Variants in SLC39A12 observed in about 807,000 individuals in gnomAD.
SLC39A12 encodes the protein solute carrier family 39 member 12.
SLC39A12 carries 63 observed loss-of-function variants against 71.1 expected under a neutral mutation model. That is an observed-to-expected ratio of 0.89 (90% CI 0.72 to 1.09). SLC39A12 has a LOEUF of 1.09. SLC39A12 is among the 50% of genes least tolerant of loss of function. SLC39A12 has a pLI of 0.00. For synonymous variants in SLC39A12, 351 were observed against 301.3 expected (o/e 1.16, Z -1.71); for missense variants, 892 against 812.6 (o/e 1.10, Z -1.19).
At chr10:17,964,938 G>A (rs1409082501) in intron 3 of SLC39A12, among the ~76,000 whole-genome samples, 1 of 152,208 alleles carries the variant, frequency 6.6e-6, no homozygotes, top group African/African-American at 2.4e-5. Flanking sequence ...TGGGTGTGGT[G>A]GCTTATGCCT....
At chr10:18,019,002 G>A (rs1836458530) in intron 12 of SLC39A12, among the ~76,000 whole-genome samples, 1 of 152,088 alleles carries the variant, frequency 6.6e-6, no homozygotes, top group South Asian at 2.1e-4. Context: ...AAGTTCATTG[G>A]TGAGCCCATC....
At chr10:18,030,910 T>G (rs1437590014) in intron 12 of SLC39A12, among the ~76,000 whole-genome samples, 4 of 150,594 alleles carry the variant, frequency 2.7e-5, no homozygotes, top group Admixed American at 6.6e-5. Flanking sequence ...TGGTTTTTTG[T>G]TCTTGCGATA....
intron 12 of SLC39A12, among the ~76,000 whole-genome samples, chr10:18,023,193 G>A (rs1017079761): frequency 6.6e-6 from 1 of 152,174 alleles, no homozygotes; most frequent in South Asian, 2.1e-4. Flanking sequence ...GGCAATGACA[G>A]AGGCCCTTTC....
At chr10:17,971,724 CT>C (rs1299804676) in intron 4 of SLC39A12, among the ~76,000 whole-genome samples, 2 of 151,706 alleles carry the variant, frequency 1.3e-5, no homozygotes, top group East Asian at 1.9e-4. Flanking sequence ...GATCTTTTTT[CT>C]TTTTTTCTTA....
rs200334409 is a variant in SLC39A12 at position 17,981,292 on chromosome 10, G to T, written c.925-20G>T. The T allele has an allele frequency of 4.4e-5, 70 of 1,583,080 alleles. No homozygotes were observed. The highest frequency in any genetic ancestry group is 5.5e-5 in the Non-Finnish European group (64 of 1,162,120). ...TAAATATGCTGAGATTAGTAACAAT[G>T]TTATGTTTTCCTCACACAGACCTGC... On this transcript the variant is annotated intron_variant, in intron 5 of 12. Transcript: ENST00000377369.
intron 9 of SLC39A12, among the ~76,000 whole-genome samples, chr10:17,994,214 C>T (rs2130830536): frequency 6.6e-6 from 1 of 152,218 alleles, no homozygotes; most frequent in South Asian, 2.1e-4. Context: ...TTTGAAGTGT[C>T]CAGAGCCCCA....
Position 18,042,909 on chromosome 10 carries a change from T to A in SLC39A12, c.*76T>A. On this transcript the variant is annotated 3_prime_UTR_variant, in exon 13 of 13. Transcript: ENST00000377369. ...TTTCTTTCATTGCACTCTATAATGA[T>A]TTTTAAATTAAGAATTTTTTATCTT... 1 of 1,268,252 alleles carries A rather than the reference T, an allele frequency of 7.9e-7. No homozygotes were observed. Among genetic ancestry groups the A allele is most frequent in the Non-Finnish European group, 1.0e-6 (1 of 953,270 alleles). The allele number at this position is 1,268,252 out of a possible 1,614,324, so 78.6% of individuals were successfully genotyped here.
At chr10:18,004,387 G>A (rs1173064087) in intron 12 of SLC39A12, 1 of 152,146 alleles carries the variant, frequency 6.6e-6, no homozygotes, top group Admixed American at 6.5e-5. Flanking sequence ...GACTACTAAT[G>A]AAGCAGAATC....
intron 7 of SLC39A12, among the ~76,000 whole-genome samples, chr10:17,989,208 G>T (rs976212801): frequency 6.6e-6 from 1 of 152,226 alleles, no homozygotes; most frequent in Non-Finnish European, 1.5e-5. Context: ...CAAAGCCTGA[G>T]CTGGTTAAAA....
At chr10:17,977,758 GAAATGTC>G in intron 4 of SLC39A12, 137 bp from the exon 5 acceptor site, 2 of 580,396 alleles carry the variant, frequency 3.4e-6, no homozygotes, top group Non-Finnish European at 5.5e-6. Flanking sequence ...TTCGTGGGTG[GAAATGTC>G]CATTCTGTCA....
intron 12 of SLC39A12, among the ~76,000 whole-genome samples, chr10:18,017,151 C>T (rs1049183508): frequency 6.6e-6 from 1 of 152,040 alleles, no homozygotes; most frequent in African/African-American, 2.4e-5. Context: ...TTTAATGAAG[C>T]CCAGCTTATG....
chr10:17,993,831 C>G (rs1835617805), intron 9 of SLC39A12, among the ~76,000 whole-genome samples: 1 of 152,178 alleles, frequency 6.6e-6, no homozygotes. Context: ...ATGTTCAAAA[C>G]AATATTCCCA....
intron 12 of SLC39A12, among the ~76,000 whole-genome samples, chr10:18,038,796 G>A (rs1186946255): frequency 6.6e-6 from 1 of 152,088 alleles, no homozygotes; most frequent in Non-Finnish European, 1.5e-5. Flanking sequence ...AAACATTTTG[G>A]TGATTTGATC....
At chr10:17,975,573 TC>T (rs889911974) in intron 4 of SLC39A12, among the ~76,000 whole-genome samples, 51 of 152,216 alleles carry the variant, frequency 3.4e-4, no homozygotes, top group African/African-American at 1.0e-3. Context: ...CACTCTTTCC[TC>T]TCCATTCCTT....
At chr10:17,964,568 A>G (rs1024734387) in intron 3 of SLC39A12, among the ~76,000 whole-genome samples, 13 of 152,244 alleles carry the variant, frequency 8.5e-5, no homozygotes, top group African/African-American at 2.9e-4. Context: ...TGGGATATAA[A>G]GCAAAATTAG....
Position 18,026,469 on chromosome 10 carries a change from T to C in SLC39A12, c.1948-16236T>C, listed in dbSNP as rs540526994. Among the ~76,000 whole-genome samples the C allele has an allele frequency of 3.9e-5, 6 of 152,264 alleles. No individual in the cohort carries two copies. In the South Asian group the frequency reaches 1.2e-3, roughly 32 times the overall value. On this transcript the variant is annotated intron_variant, in intron 12 of 12. Transcript: ENST00000377369. ...AGATATTTTTTTCATCTGGTTTCTT[T>C]CATTTTCTGAAGTTTAAAGATGATA...
At chr10:17,994,448 A>G (rs1193399667) in intron 9 of SLC39A12, among the ~76,000 whole-genome samples, 1 of 152,186 alleles carries the variant, frequency 6.6e-6, no homozygotes, top group African/African-American at 2.4e-5. Flanking sequence ...TTCCCAATCA[A>G]TAAGAAGTCC....
intron 4 of SLC39A12, among the ~76,000 whole-genome samples, chr10:17,977,152 A>G (rs1407168842): frequency 6.6e-6 from 1 of 152,054 alleles, no homozygotes; most frequent in Non-Finnish European, 1.5e-5. Context: ...TTGGACATTT[A>G]TATAATTTAG....
At chr10:18,008,215 C>T (rs374631940) in intron 12 of SLC39A12, among the ~76,000 whole-genome samples, 21 of 152,286 alleles carry the variant, frequency 1.4e-4, no homozygotes, top group African/African-American at 4.6e-4. Context: ...TACTTACAGC[C>T]GCTCTGCATT....
Sources: allele counts gnomAD v4.1 joint callset (sites outside exome capture counted in the v4.1 genomes callset), GRCh38; gene constraint gnomAD v4.1.1; transcripts MANE v1.5; gene names NCBI Gene and HGNC (gene_info 2026-07-23, HGNC 2026-07-21).